MYH11: variants seen among roughly 807,000 people sequenced by gnomAD.
MYH11 encodes myosin heavy chain 11.
MYH11 carries 80 observed loss-of-function variants against 246.6 expected under a neutral mutation model. The ratio of observed to expected loss-of-function variants is 0.32; its 90% CI spans 0.27 to 0.39. MYH11 has a LOEUF of 0.39. Among genes scored for constraint, MYH11 ranks in the 10% least tolerant of loss-of-function variants. The pLI is 1.00. For synonymous variants in MYH11, 1,071 were observed against 1,015.5 expected (o/e 1.05, Z -1.04); for missense variants, 2,158 against 2,546.8 (o/e 0.85, Z 3.29).
At chr16:15,812,170 C>T (rs2043152827) in intron 3 of MYH11, among the ~76,000 whole-genome samples, 1 of 152,096 alleles carries the variant, frequency 6.6e-6, no homozygotes, top group Non-Finnish European at 1.5e-5. Context: ...AGGGCTCCGG[C>T]TTTGGAGTCA....
intron 6 of MYH11, among the ~76,000 whole-genome samples, chr16:15,779,649 G>T (rs2042301370): frequency 6.6e-6 from 1 of 152,202 alleles, no homozygotes; most frequent in Admixed American, 6.5e-5. Flanking sequence ...TGTGGGACAG[G>T]TGAGTATGCA....
chr16:15,793,936 T>G (rs1008992662), intron 4 of MYH11, among the ~76,000 whole-genome samples: 6 of 117,424 alleles, frequency 5.1e-5, no homozygotes, highest in African/African-American at 7.6e-5. Context: ...TTTCAGTTTC[T>G]TTTCTTTTCT....
intron 5 of MYH11, chr16:15,785,673 C>T (rs997939649): frequency 2.6e-5 from 4 of 152,226 alleles, no homozygotes; most frequent in African/African-American, 9.7e-5. Context: ...ATCTTCCCAC[C>T]CACAAACCTG....
chr16:15,783,291 G>C (rs968544794), intron 5 of MYH11: 1 of 152,382 alleles, frequency 6.6e-6, no homozygotes, highest in Non-Finnish European at 1.5e-5. Flanking sequence ...CTGGATTCTG[G>C]GAGTTTTTCT....
At chr16:15,713,267 T>C (rs1567680775) in intron 40 of MYH11, 1 of 151,754 alleles carries the variant, frequency 6.6e-6, no homozygotes, top group African/African-American at 2.4e-5. Flanking sequence ...AAAATAGAAG[T>C]GTACAGAGGT....
At chr16:15,723,925 A>C (rs578064235) in intron 31 of MYH11, among the ~76,000 whole-genome samples, 1 of 152,336 alleles carries the variant, frequency 6.6e-6, no homozygotes, top group East Asian at 1.9e-4. Flanking sequence ...GGTGACCCTC[A>C]TGGTGCTGGT....
rs568039479 is a variant in MYH11 at position 15,703,579 on chromosome 16, G to C, written c.*412C>G. ...ACTTCAATTTTTACCTTGAATACAGGGGTAGTAGGGGTGGTGGTGGTGGTG... is the reference window on the plus strand; with the variant it reads ...ACTTCAATTTTTACCTTGAATACAGCGGTAGTAGGGGTGGTGGTGGTGGTG... On this transcript the variant is annotated 3_prime_UTR_variant, in exon 41 of 41. Coordinates refer to ENST00000300036, the MANE Select transcript of MYH11 (RefSeq NM_002474.3). 2 of 368,142 alleles carry C rather than the reference G, an allele frequency of 5.4e-6. No homozygotes were observed. The highest frequency in any genetic ancestry group is 4.0e-5 in the African/African-American group (2 of 49,542). The allele number at this position is 368,142 out of a possible 1,614,324, so 22.8% of individuals were successfully genotyped here.
At chr16:15,789,616 A>T (rs2042561867) in intron 4 of MYH11, among the ~76,000 whole-genome samples, 1 of 152,140 alleles carries the variant, frequency 6.6e-6, no homozygotes, top group African/African-American at 2.4e-5. Context: ...GCCCCACTCC[A>T]CTGGAATTCT....
chr16:15,834,979 G>A (rs2043853472), intron 2 of MYH11, among the ~76,000 whole-genome samples: 1 of 150,158 alleles, frequency 6.7e-6, no homozygotes, highest in African/African-American at 2.5e-5. Context: ...TACTCAGGAG[G>A]CTGAGGTGAG....
At position 15,823,421 on chromosome 16, in the gene MYH11, G is replaced by A. The variant is rs778973081; in HGVS notation, c.346-10C>T. 7 of 1,614,062 alleles carry A rather than the reference G, an allele frequency of 4.3e-6. No homozygotes were observed. The highest frequency in any genetic ancestry group is 1.3e-5 in the African/African-American group (1 of 74,916). Reference sequence around the variant, plus strand: ...AGAGGCCAGAGTACGTCTGCAGACAGAGAACCCAGCTTACTTCCAGACCTC... The same window carrying A: ...AGAGGCCAGAGTACGTCTGCAGACAAAGAACCCAGCTTACTTCCAGACCTC... On this transcript the variant is annotated splice_polypyrimidine_tract_variant and intron_variant, in intron 2 of 40. Coordinates refer to ENST00000300036, the MANE Select transcript of MYH11 (RefSeq NM_002474.3).
At chr16:15,790,702 G>C (rs774558157) in intron 4 of MYH11, among the ~76,000 whole-genome samples, 3 of 152,058 alleles carry the variant, frequency 2.0e-5, no homozygotes, top group African/African-American at 7.3e-5. Context: ...CCCTCTTCCC[G>C]GAGAAGGACC....
intron 5 of MYH11, 42 bp from the exon 6 acceptor site, chr16:15,782,519 G>C (rs1006625266): frequency 6.6e-7 from 1 of 1,521,504 alleles, no homozygotes; most frequent in Admixed American, 1.7e-5. Flanking sequence ...AAGCAACCTA[G>C]GTCCTGACAG....
rs1249350790 is a variant in MYH11 at position 15,703,471 on chromosome 16, CAG to C, written c.*518_*519del. 1.5e-4 allele frequency: 37 copies of C among 241,266 alleles called. 1 individual carries two copies. Among genetic ancestry groups the C allele is most frequent in the Non-Finnish European group, 2.5e-4 (31 of 122,258 alleles). 14.9% of individuals were successfully genotyped at this position (241,266 alleles called of 1,614,324 possible). ...CCGTGGATATGTTTTTCTAAAAACT[CAG>C]TGTCTGCACAATCCATTGATAGAAC... On this transcript the variant is annotated 3_prime_UTR_variant, in exon 41 of 41. Transcript: ENST00000300036.
intron 8 of MYH11, among the ~76,000 whole-genome samples, chr16:15,772,490 C>T (rs2042126726): frequency 6.6e-6 from 1 of 152,252 alleles, no homozygotes; most frequent in Non-Finnish European, 1.5e-5. Flanking sequence ...ATAGCATTCT[C>T]CTGTCACATC....
At position 15,759,559 on chromosome 16, in the gene MYH11, A is replaced by G. The variant is rs368115444; in HGVS notation, c.1401+17T>C. 2 of 1,614,012 alleles carry G rather than the reference A, an allele frequency of 1.2e-6. No homozygotes were observed. The highest frequency in any genetic ancestry group is 1.7e-6 in the Non-Finnish European group (2 of 1,180,036). The stretch of plus-strand genomic sequence containing the variant: ...GACAACCAAGACCATGGCTCTTAGG[A>G]TCCCACCGAGCTGTACCTCAAAGAT... On this transcript the variant is annotated intron_variant, in intron 12 of 40. Coordinates refer to ENST00000300036, the MANE Select transcript of MYH11 (RefSeq NM_002474.3).
Position 15,756,368 on chromosome 16 carries a change from C to T in MYH11, c.1722G>A (p.Glu574=), listed in dbSNP as rs2041716600. The T allele has an allele frequency of 6.2e-7, 1 of 1,614,042 alleles. No homozygotes were observed. Among genetic ancestry groups the T allele is most frequent in the African/African-American group, 1.3e-5 (1 of 74,916 alleles). ...QKPKQLKDKT[E]FSIIHYAGKV... is the part of the protein sequence containing the mutation. ...TCCCAGCATAATGGATGATGGAGAA[C>T]TCAGTCTTGTCCTTGAGCTGCTTGG... Residue 574 remains glutamate (E), a synonymous_variant, in exon 14 of 41, where the codon GAG becomes GAA. Coordinates refer to ENST00000300036, the MANE Select transcript of MYH11 (RefSeq NM_002474.3).
At chr16:15,759,932 A>G (rs147521653) in intron 11 of MYH11, among the ~76,000 whole-genome samples, 1 of 152,248 alleles carries the variant, frequency 6.6e-6, no homozygotes, top group Admixed American at 6.5e-5. Flanking sequence ...ACCCTTCTCT[A>G]CTAAAAATAC....
chr16:15,720,805 A>C, intron 33 of MYH11, 34 bp downstream of exon 33: 3 of 1,594,912 alleles, frequency 1.9e-6, no homozygotes, highest in Non-Finnish European at 2.6e-6. Context: ...AGGCCACCCG[A>C]CCTCCCTCTG....
intron 27 of MYH11, among the ~76,000 whole-genome samples, chr16:15,731,891 C>T (rs145591545): frequency 3.9e-5 from 6 of 152,126 alleles, no homozygotes; most frequent in African/African-American, 7.2e-5. Context: ...CAGGCTCAAA[C>T]GATCCTCCCA....
Sources: gnomAD v4.1 joint callset for allele counts (sites outside exome capture counted in the v4.1 genomes callset) on GRCh38, gnomAD v4.1.1 for gene constraint, MANE v1.5 for transcripts, NCBI Gene and HGNC (gene_info 2026-07-23, HGNC 2026-07-21) for gene names.